PDZRN4: variants seen among roughly 807,000 people sequenced by gnomAD.
PDZRN4 encodes PDZ domain-containing RING finger protein 4.
A neutral mutation model predicts 99.0 loss-of-function variants in PDZRN4; 70 were observed. That is an observed-to-expected ratio of 0.71 (90% CI 0.58 to 0.86). PDZRN4 has a LOEUF of 0.86. Ranked by LOEUF, PDZRN4 falls within the 40% of genes least tolerant of loss-of-function variation. PDZRN4 has a pLI of 0.00. For synonymous variants in PDZRN4, 551 were observed against 501.6 expected, an observed-to-expected ratio of 1.10 and a Z score of -1.32; for missense variants, 1,474 against 1,331.2, an observed-to-expected ratio of 1.11 and a Z score of -1.67.
intron 3 of PDZRN4, among the ~76,000 whole-genome samples, chr12:41,328,293 C>A (rs1410358094): frequency 6.6e-6 from 1 of 152,006 alleles, no homozygotes; most frequent in African/African-American, 2.4e-5. Context: ...GAAAAATATA[C>A]TGTGTATATA....
At chr12:41,193,786 C>T (rs1950752266) in intron 2 of PDZRN4, among the ~76,000 whole-genome samples, 1 of 152,150 alleles carries the variant, frequency 6.6e-6, no homozygotes, top group Non-Finnish European at 1.5e-5. Context: ...ATAAATAATA[C>T]TTAAAAGCCA....
intron 3 of PDZRN4, among the ~76,000 whole-genome samples, chr12:41,469,846 T>C (rs916772093): frequency 8.6e-5 from 13 of 151,996 alleles, no homozygotes; most frequent in Admixed American, 2.0e-4. Flanking sequence ...GGGAGAATGG[T>C]GTGAACCTGG....
chr12:41,558,014 G>T (rs1939197455), intron 7 of PDZRN4, among the ~76,000 whole-genome samples: 1 of 152,178 alleles, frequency 6.6e-6, no homozygotes, highest in South Asian at 2.1e-4. Flanking sequence ...AGTAACATCT[G>T]TTGAAAGGCT....
chr12:41,544,860 A>C (rs1186475383), intron 5 of PDZRN4, among the ~76,000 whole-genome samples: 1 of 152,194 alleles, frequency 6.6e-6, no homozygotes, highest in Admixed American at 6.5e-5. Flanking sequence ...AATTCAGACC[A>C]GGTCCCTTAG....
chr12:41,561,951 A>T (rs1374605083), intron 7 of PDZRN4, among the ~76,000 whole-genome samples: 1 of 152,106 alleles, frequency 6.6e-6, no homozygotes, highest in Non-Finnish European at 1.5e-5. Context: ...TCTTTATTTG[A>T]GAAAAAAGGC....
chr12:41,397,737 G>A (rs910592991), intron 3 of PDZRN4, among the ~76,000 whole-genome samples: 6 of 152,188 alleles, frequency 3.9e-5, no homozygotes, highest in Non-Finnish European at 7.4e-5. Context: ...ATGTTTTAAA[G>A]TTTTGCTGTT....
intron 3 of PDZRN4, among the ~76,000 whole-genome samples, chr12:41,482,317 T>C (rs144262375): frequency 8.6e-4 from 131 of 152,204 alleles, no homozygotes; most frequent in African/African-American, 3.1e-3. Context: ...TTTGGACCAG[T>C]GTAGGATTGT....
At chr12:41,220,077 T>G (rs1235575555) in intron 3 of PDZRN4, among the ~76,000 whole-genome samples, 1 of 152,216 alleles carries the variant, frequency 6.6e-6, no homozygotes, top group African/African-American at 2.4e-5. Flanking sequence ...GGTATGAAGA[T>G]TTTTATGTTG....
At chr12:41,360,513 A>G (rs1052297825) in intron 3 of PDZRN4, among the ~76,000 whole-genome samples, 1 of 152,022 alleles carries the variant, frequency 6.6e-6, no homozygotes, top group African/African-American at 2.4e-5. Flanking sequence ...TAAAAATACC[A>G]CAAGTGATAC....
chr12:41,496,538 T>C (rs893219581), intron 3 of PDZRN4, among the ~76,000 whole-genome samples: 3 of 152,120 alleles, frequency 2.0e-5, no homozygotes, highest in African/African-American at 7.2e-5. Flanking sequence ...TCGATGCTCT[T>C]TTCTGCTACA....
chr12:41,475,886 G>A (rs1008555580), intron 3 of PDZRN4, among the ~76,000 whole-genome samples: 1 of 152,028 alleles, frequency 6.6e-6, no homozygotes, highest in Non-Finnish European at 1.5e-5. Flanking sequence ...AGTAAATGTT[G>A]TCTGTACCAT....
At position 41,506,714 on chromosome 12, in the gene PDZRN4, T is replaced by C. The variant is rs2120674923; in HGVS notation, c.1100+2T>C. The C allele has an allele frequency of 6.3e-7, 1 of 1,597,310 alleles. No homozygotes were observed. The highest frequency in any genetic ancestry group is 8.5e-7 in the Non-Finnish European group (1 of 1,170,674). ...CTGTCCATTCCTGCTCTCAGACAGG[T>C]ATTTTTCTATCATTTCTTCCAAAGC... is the stretch of plus-strand genomic sequence containing the variant. On this transcript the variant is annotated splice_donor_variant, in intron 4 of 9. Coordinates refer to ENST00000402685, the MANE Select transcript of PDZRN4 (RefSeq NM_001164595.2). LOFTEE classifies it high-confidence loss of function.
At chr12:41,386,634 A>G (rs1379167473) in intron 3 of PDZRN4, among the ~76,000 whole-genome samples, 1 of 152,212 alleles carries the variant, frequency 6.6e-6, no homozygotes, top group Non-Finnish European at 1.5e-5. Context: ...TTTAAAATAC[A>G]TATGGAATCA....
intron 3 of PDZRN4, among the ~76,000 whole-genome samples, chr12:41,454,473 A>G (rs923944173): frequency 2.0e-5 from 3 of 152,256 alleles, no homozygotes; most frequent in African/African-American, 7.2e-5. Context: ...ATGTGGCCAA[A>G]TAATAAATAA....
chr12:41,503,251 C>T (rs1938141747), intron 3 of PDZRN4, among the ~76,000 whole-genome samples: 2 of 152,068 alleles, frequency 1.3e-5, no homozygotes, highest in Non-Finnish European at 2.9e-5. Context: ...AAATAGAGGT[C>T]AGCTGCATGA....
chr12:41,455,360 T>C (rs1952809484), intron 3 of PDZRN4, among the ~76,000 whole-genome samples: 2 of 152,310 alleles, frequency 1.3e-5, no homozygotes, highest in East Asian at 1.9e-4. Flanking sequence ...ATGAAAAAGA[T>C]AGTCTTATCA....
intron 3 of PDZRN4, among the ~76,000 whole-genome samples, chr12:41,233,072 C>G (rs1348611052): frequency 1.3e-5 from 2 of 151,930 alleles, no homozygotes; most frequent in Non-Finnish European, 2.9e-5. Flanking sequence ...GTTACTGTAG[C>G]CTTGTAGTAT....
intron 3 of PDZRN4, among the ~76,000 whole-genome samples, chr12:41,365,794 G>C (rs1951995729): frequency 6.6e-6 from 1 of 152,066 alleles, no homozygotes; most frequent in South Asian, 2.1e-4. Flanking sequence ...AAGCTGATCA[G>C]AGCAAACAAG....
chr12:41,469,040 T>C (rs1239009694), intron 3 of PDZRN4, among the ~76,000 whole-genome samples: 2 of 151,996 alleles, frequency 1.3e-5, no homozygotes, highest in African/African-American at 2.4e-5. Flanking sequence ...ACTCAAATCA[T>C]CTGACCTTGC....
Sources: gnomAD v4.1 joint callset for allele counts (sites outside exome capture counted in the v4.1 genomes callset) on GRCh38, gnomAD v4.1.1 for gene constraint, MANE v1.5 for transcripts, NCBI Gene and HGNC (gene_info 2026-07-23, HGNC 2026-07-21) for gene names.